The following AP3B2 variants were observed in gnomAD, a reference collection of about 807,000 sequenced individuals.
AP3B2 encodes the protein AP-3 complex subunit beta-2.
Under a neutral mutation model 126.9 loss-of-function variants are expected in AP3B2, and 50 were observed. That is an observed-to-expected ratio of 0.39 (90% CI 0.31 to 0.50). The LOEUF (loss-of-function observed/expected upper bound fraction) is 0.50, where lower values mean the gene tolerates loss of function less well. Ranked by LOEUF, AP3B2 falls within the 20% of genes least tolerant of loss-of-function variation. The pLI is 0.79. For missense variants in AP3B2, 1,177 were observed against 1,426.4 expected (o/e 0.83, Z 2.82); for synonymous variants, 541 against 565.0 (o/e 0.96, Z 0.60).
At chr15:82,699,062 C>T (rs2048675170) in intron 1 of AP3B2, among the ~76,000 whole-genome samples, 2 of 152,216 alleles carry the variant, frequency 1.3e-5, no homozygotes, top group Non-Finnish European at 2.9e-5. Flanking sequence ...CACCCTAAGG[C>T]CATGAAACAT....
intron 14 of AP3B2, 66 bp downstream of exon 14, chr15:82,676,395 A>C: frequency 6.5e-7 from 1 of 1,543,268 alleles, no homozygotes; most frequent in Non-Finnish European, 8.8e-7. Context: ...AGGGAGGGCC[A>C]AAAGAATACT....
intron 4 of AP3B2, among the ~76,000 whole-genome samples, chr15:82,682,471 T>C (rs72753914): frequency 0.025 from 3,876 of 152,298 alleles, 75 homozygotes; most frequent in Non-Finnish European, 0.034. Flanking sequence ...GCAGCAGCTA[T>C]ATATTACAGG....
At position 82,683,047 on chromosome 15, in the gene AP3B2, G is replaced by GTTTTTTTTT. The variant is rs61213011; in HGVS notation, c.361-1476_361-1468dup. On this transcript the variant is annotated intron_variant, in intron 4 of 26. Transcript: ENST00000535359. ...AATGTTCACAGCATCTGCACCAGGA[G>GTTTTTTTTT]TTTTTTTTTTTTTTTTTTTTTTTTT... Among the ~76,000 whole-genome samples the GTTTTTTTTT allele has an allele frequency of 7.7e-3, 599 of 77,714 alleles. 110 individuals carry two copies. Among genetic ancestry groups the GTTTTTTTTT allele is most frequent in the Middle Eastern group, 0.028 (2 of 72 alleles). The allele number at this position is 77,714 out of a possible 152,430, so 51.0% of individuals were successfully genotyped here.
At chr15:82,678,677 G>C (rs920358609) in intron 10 of AP3B2, among the ~76,000 whole-genome samples, 1 of 152,154 alleles carries the variant, frequency 6.6e-6, no homozygotes, top group South Asian at 2.1e-4. Context: ...TATCCTCCGG[G>C]AAAACTTCCC....
At chr15:82,703,172 C>T (rs1210122530) in intron 1 of AP3B2, among the ~76,000 whole-genome samples, 3 of 152,124 alleles carry the variant, frequency 2.0e-5, no homozygotes, top group South Asian at 2.1e-4. Flanking sequence ...TATTCACCCA[C>T]GTTTCAGAGT....
At chr15:82,687,607 T>C (rs1026486369) in intron 4 of AP3B2, 2 of 152,220 alleles carry the variant, frequency 1.3e-5, no homozygotes, top group African/African-American at 4.8e-5. Context: ...ATTTACTAAA[T>C]GAATGAATTG....
chr15:82,673,483 G>A (rs2048191529), intron 14 of AP3B2, among the ~76,000 whole-genome samples: 1 of 152,140 alleles, frequency 6.6e-6, no homozygotes, highest in South Asian at 2.1e-4. Context: ...CAAAGTGCTG[G>A]GATTACAGGT....
chr15:82,691,497 A>G (rs2048531555), intron 1 of AP3B2, among the ~76,000 whole-genome samples: 1 of 152,224 alleles, frequency 6.6e-6, no homozygotes, highest in Admixed American at 6.5e-5. Flanking sequence ...TTCAGGAGTG[A>G]AAAATATACA....
intron 24 of AP3B2, 56 bp from the exon 25 acceptor site, chr15:82,661,978 T>C (rs2151427064): frequency 1.3e-6 from 2 of 1,506,000 alleles, no homozygotes; most frequent in Non-Finnish European, 1.8e-6. Flanking sequence ...CTCCCCTCAC[T>C]TCCCACCCTG....
At chr15:82,661,090 T>C (rs952686305) in intron 25 of AP3B2, among the ~76,000 whole-genome samples, 4 of 152,126 alleles carry the variant, frequency 2.6e-5, no homozygotes, top group African/African-American at 9.7e-5. Flanking sequence ...CTGTGCTCCT[T>C]CTCTTATCCC....
Position 82,709,865 on chromosome 15 carries a change from G to A in AP3B2, c.-159C>T. 3.9e-6 allele frequency: 2 copies of A among 507,228 alleles called. No homozygotes were observed. The highest frequency in any genetic ancestry group is 6.5e-6 in the Non-Finnish European group (2 of 308,304). 31.4% of individuals were successfully genotyped at this position (507,228 alleles called of 1,614,324 possible). On this transcript the variant is annotated 5_prime_UTR_variant, in exon 1 of 27. Transcript: ENST00000535359. The stretch of plus-strand genomic sequence containing the variant: ...CAGTGTGCAGCGGCGGAGGCTGCGC[G>A]CGGATTTCTCAATCAGGGCCGCGCG...
chr15:82,674,939 C>T (rs2048219602), intron 14 of AP3B2, among the ~76,000 whole-genome samples: 1 of 152,150 alleles, frequency 6.6e-6, no homozygotes, highest in Non-Finnish European at 1.5e-5. Context: ...GAAAACATGC[C>T]AACCTCACCA....
rs760645573 is a variant in AP3B2, at chr15:82,666,866, C to T, written c.1733G>A (p.Arg578Gln). The part of the protein sequence containing the change: ...KYDQNYDIRD[R>Q]ARFTRQLIVP... Reference sequence around the variant, plus strand: ...GATGAGCTGCCGGGTGAAGCGCGCCCGGTCGCGAATATCATAGTTCTGGTC... The same window carrying T: ...GATGAGCTGCCGGGTGAAGCGCGCCTGGTCGCGAATATCATAGTTCTGGTC... Residue 578 changes from arginine (R) to glutamine (Q), a missense_variant, in exon 15 of 27, where the codon CGG becomes CAG. Transcript: ENST00000535359. 3.1e-6 allele frequency: 5 copies of T among 1,613,992 alleles called. No individual in the cohort carries two copies. The highest frequency in any genetic ancestry group is 4.2e-6 in the Non-Finnish European group (5 of 1,179,892).
At chr15:82,678,220 C>G in intron 10 of AP3B2, 53 bp from the exon 11 acceptor site, 1 of 1,538,572 alleles carries the variant, frequency 6.5e-7, no homozygotes, top group Non-Finnish European at 9.0e-7. Context: ...AGTGGACTTT[C>G]TGTGCTTTCA....
intron 10 of AP3B2, among the ~76,000 whole-genome samples, chr15:82,679,200 T>C (rs2048289665): frequency 6.6e-6 from 1 of 151,924 alleles, no homozygotes; most frequent in Admixed American, 6.6e-5. Flanking sequence ...CTCAGCTCAC[T>C]GCAACCTCTG....
In AP3B2 at chr15:82,681,243, A is replaced by T; in HGVS notation, c.522-65T>A. On this transcript the variant is annotated intron_variant, in intron 5 of 26. Coordinates refer to ENST00000535359, the MANE Select transcript of AP3B2 (RefSeq NM_001278512.2). The surrounding 1 kb of genome is among the most constrained non-coding windows in gnomAD (Gnocchi z 4.0). The stretch of plus-strand genomic sequence containing the variant: ...CCCCAGCCTTCCCAATATCTGTCCA[A>T]GCCATGCTCACCTCCTGCACCCCAG... The T allele has an allele frequency of 6.4e-7, 1 of 1,558,112 alleles. No homozygotes were observed.
In AP3B2 at chr15:82,664,261, C is replaced by T. The variant is rs941399685; in HGVS notation, c.2261+106G>A. The T allele has an allele frequency of 4.2e-5, 65 of 1,557,584 alleles. No homozygotes were observed. Among genetic ancestry groups the T allele is most frequent in the Non-Finnish European group, 5.0e-5 (57 of 1,147,458 alleles). On this transcript the variant is annotated intron_variant, in intron 19 of 26. Transcript: ENST00000535359. The surrounding 1 kb of genome is among the most constrained non-coding windows in gnomAD (Gnocchi z 4.5). Reference sequence around the variant, plus strand: ...TGAGCTGACAGCCCCACCCAGCTCACGAGGGGCTCAGGGGCTCTTAGGAGA... The same window carrying T: ...TGAGCTGACAGCCCCACCCAGCTCATGAGGGGCTCAGGGGCTCTTAGGAGA...
chr15:82,690,374 G>A (rs1205434097), intron 1 of AP3B2, among the ~76,000 whole-genome samples: 1 of 151,844 alleles, frequency 6.6e-6, no homozygotes. Context: ...ATTTACATTA[G>A]GTATTCCTCC....
intron 14 of AP3B2, among the ~76,000 whole-genome samples, chr15:82,667,467 C>A (rs2048079744): frequency 1.4e-4 from 22 of 152,238 alleles, no homozygotes; most frequent in Admixed American, 1.4e-3. Context: ...AGGTCTTTAT[C>A]CTTCCCTGGA....
Sources: gnomAD v4.1 joint callset for allele counts (sites outside exome capture counted in the v4.1 genomes callset) on GRCh38, gnomAD v4.1.1 for gene constraint, Gnocchi (gnomAD v3.1) non-coding constraint, MANE v1.5 for transcripts, NCBI Gene and HGNC (gene_info 2026-07-23, HGNC 2026-07-21) for gene names.